RIT2: variants seen among roughly 807,000 people sequenced by gnomAD.
RIT2 encodes the protein GTP-binding protein Rit2.
A neutral mutation model predicts 23.7 loss-of-function variants in RIT2; 24 were observed. That is an observed-to-expected ratio of 1.01 (90% CI 0.73 to 1.43). The LOEUF is 1.43. Among genes scored for constraint, RIT2 ranks in the 40% most tolerant of loss-of-function variants. The pLI is 0.00. For missense variants in RIT2, 236 were observed against 266.9 expected (o/e 0.88, Z 0.81); for synonymous variants, 107 against 91.1 (o/e 1.17, Z -0.99).
intron 1 of RIT2, among the ~76,000 whole-genome samples, chr18:43,105,341 A>G (rs1017687568): frequency 1.3e-5 from 2 of 151,838 alleles, no homozygotes; most frequent in African/African-American, 4.8e-5. Flanking sequence ...TACAATATTC[A>G]ACCCAAATTG....
chr18:42,982,841 T>C (rs2144216070), intron 2 of RIT2, among the ~76,000 whole-genome samples: 1 of 152,194 alleles, frequency 6.6e-6, no homozygotes, highest in Non-Finnish European at 1.5e-5. Context: ...AGAAATCAAA[T>C]ATTTAAATAA....
intron 4 of RIT2, among the ~76,000 whole-genome samples, chr18:42,911,942 A>C (rs1406550887): frequency 6.6e-6 from 1 of 151,966 alleles, no homozygotes; most frequent in African/African-American, 2.4e-5. Context: ...TTATGAAGCC[A>C]GTATTACACT....
chr18:43,025,221 C>CAAA (rs1207895767), intron 2 of RIT2, among the ~76,000 whole-genome samples: 1 of 121,924 alleles, frequency 8.2e-6, no homozygotes, highest in African/African-American at 3.0e-5. Context: ...AAAAACAAAA[C>CAAA]AAAACAAAAA....
intron 1 of RIT2, among the ~76,000 whole-genome samples, chr18:43,066,155 A>G (rs1912766168): frequency 6.6e-6 from 1 of 152,196 alleles, no homozygotes; most frequent in African/African-American, 2.4e-5. Context: ...GTTGAGTTCT[A>G]TCTATTTAAT....
chr18:42,785,808 A>T (rs1320513536), intron 4 of RIT2, among the ~76,000 whole-genome samples: 1 of 152,128 alleles, frequency 6.6e-6, no homozygotes, highest in African/African-American at 2.4e-5. Flanking sequence ...CATCTTTCAT[A>T]CATTTTACAG....
chr18:42,932,851 G>GTT (rs5824458), intron 3 of RIT2, among the ~76,000 whole-genome samples: 144 of 150,776 alleles, frequency 9.6e-4, no homozygotes, highest in Admixed American at 3.4e-3. Flanking sequence ...TATTCTTCCT[G>GTT]TTTTTTTTTA....
intron 4 of RIT2, among the ~76,000 whole-genome samples, chr18:42,812,104 T>G (rs1905868395): frequency 6.6e-6 from 1 of 152,150 alleles, no homozygotes; most frequent in Non-Finnish European, 1.5e-5. Flanking sequence ...ACAGAAATTA[T>G]TGGTGCTGTT....
rs143407373 is a variant in RIT2, at chr18:43,065,551, T to A, written c.104-31684A>T. ...AACTTTCTGAATCACAGGGAACACATCTTCAACCATCTGTATATGCATAGG... is the reference window on the plus strand; with the variant it reads ...AACTTTCTGAATCACAGGGAACACAACTTCAACCATCTGTATATGCATAGG... On this transcript the variant is annotated intron_variant, in intron 1 of 4. Coordinates refer to ENST00000326695, the MANE Select transcript of RIT2 (RefSeq NM_002930.4). 2.2e-4 allele frequency among the ~76,000 whole-genome samples: 33 copies of A among 152,306 alleles called. No individual in the cohort carries two copies. In the East Asian group the frequency reaches 6.2e-3, roughly 28 times the overall value.
At chr18:42,968,846 G>A (rs1910297070) in intron 3 of RIT2, among the ~76,000 whole-genome samples, 1 of 152,176 alleles carries the variant, frequency 6.6e-6, no homozygotes, top group Non-Finnish European at 1.5e-5. Context: ...CAGGATACCT[G>A]TATTCGAGTC....
chr18:42,851,246 TG>T (rs1198058792), intron 4 of RIT2, among the ~76,000 whole-genome samples: 1 of 152,348 alleles, frequency 6.6e-6, no homozygotes, highest in East Asian at 1.9e-4. Context: ...ACTTTACATT[TG>T]TGGTGTGCTT....
intron 3 of RIT2, among the ~76,000 whole-genome samples, chr18:42,952,129 G>A (rs191249475): frequency 4.7e-4 from 72 of 152,210 alleles, no homozygotes; most frequent in Non-Finnish European, 7.8e-4. Context: ...TATTATGGGA[G>A]CTTCAATTCA....
intron 3 of RIT2, among the ~76,000 whole-genome samples, chr18:42,953,943 A>G (rs528661037): frequency 1.4e-4 from 21 of 152,234 alleles, no homozygotes; most frequent in Admixed American, 1.2e-3. Context: ...TCTCATCTAA[A>G]ACTTGAAACA....
chr18:42,817,382 T>G (rs1906028271), intron 4 of RIT2, among the ~76,000 whole-genome samples: 1 of 152,156 alleles, frequency 6.6e-6, no homozygotes, highest in Non-Finnish European at 1.5e-5. Context: ...TCTGTAATAA[T>G]TAGTTTCACA....
In RIT2 at chr18:42,846,424, A is replaced by T. The variant is rs73470101; in HGVS notation, c.426+77148T>A. ...GAGTATGTATTTATTAAAAACATAA[A>T]CTTACATAAATTATTCTTGCTTGGT... On this transcript the variant is annotated intron_variant, in intron 4 of 4. Coordinates refer to ENST00000326695, the MANE Select transcript of RIT2 (RefSeq NM_002930.4). Among the ~76,000 whole-genome samples, 6 of 152,012 alleles carry T rather than the reference A, an allele frequency of 3.9e-5. No individual in the cohort carries two copies. The South Asian group carries it at 1.2e-3, about 31-fold the overall frequency.
chr18:42,989,987 T>C (rs1910801958), intron 2 of RIT2, among the ~76,000 whole-genome samples: 2 of 147,194 alleles, frequency 1.4e-5, no homozygotes, highest in South Asian at 4.4e-4. Context: ...GCATATATAT[T>C]ACACGTTCTG....
At chr18:43,094,657 C>T (rs1486128633) in intron 1 of RIT2, among the ~76,000 whole-genome samples, 1 of 151,966 alleles carries the variant, frequency 6.6e-6, no homozygotes, top group Non-Finnish European at 1.5e-5. Flanking sequence ...GAAAAGATGA[C>T]ATCAAGGAAT....
intron 4 of RIT2, among the ~76,000 whole-genome samples, chr18:42,765,735 C>T (rs28720090): frequency 8.2e-4 from 125 of 152,288 alleles, no homozygotes; most frequent in African/African-American, 2.9e-3. Flanking sequence ...TATATGGACA[C>T]ATATAATACA....
At chr18:43,094,316 C>A (rs867087944) in intron 1 of RIT2, among the ~76,000 whole-genome samples, 1 of 151,632 alleles carries the variant, frequency 6.6e-6, no homozygotes, top group African/African-American at 2.4e-5. Context: ...GAAATGAAAT[C>A]CGTGCTTATA....
At chr18:42,870,110 C>T (rs1598692082) in intron 4 of RIT2, among the ~76,000 whole-genome samples, 1 of 152,178 alleles carries the variant, frequency 6.6e-6, no homozygotes, top group South Asian at 2.1e-4. Flanking sequence ...AGAGTGGCTA[C>T]TTGTCTTGTT....
Sources: gnomAD v4.1 joint callset for allele counts (sites outside exome capture counted in the v4.1 genomes callset) on GRCh38, gnomAD v4.1.1 for gene constraint, MANE v1.5 for transcripts, NCBI Gene and HGNC (gene_info 2026-07-23, HGNC 2026-07-21) for gene names.